The following CEP41 variants were observed in gnomAD, a reference collection of about 807,000 sequenced individuals.
CEP41 encodes centrosomal protein 41.
In CEP41, 32 loss-of-function variants were observed where a neutral mutation model predicts 44.3. The observed-to-expected ratio is 0.72, with a 90% CI of 0.54 to 0.97. CEP41 has a LOEUF of 0.97. CEP41 is among the 50% of genes least tolerant of loss of function. The pLI is 0.00. For missense variants in CEP41, 432 were observed against 455.2 expected (o/e 0.95, Z 0.46); for synonymous variants, 151 against 168.5 (o/e 0.90, Z 0.80).
At chr7:130,427,596 G>A (rs1208571615) in intron 2 of CEP41, among the ~76,000 whole-genome samples, 2 of 152,186 alleles carry the variant, frequency 1.3e-5, no homozygotes, top group African/African-American at 4.8e-5. Flanking sequence ...TGTCTAATCC[G>A]TTACTGCCAG....
At chr7:130,402,340 T>C (rs377539700) in intron 7 of CEP41, among the ~76,000 whole-genome samples, 7 of 75,188 alleles carry the variant, frequency 9.3e-5, no homozygotes, top group East Asian at 5.6e-4. Context: ...AGCAAGGTAT[T>C]AACAAAAAAA....
intron 1 of CEP41, among the ~76,000 whole-genome samples, chr7:130,429,146 T>C (rs1405675856): frequency 1.3e-5 from 2 of 152,078 alleles, no homozygotes; most frequent in Admixed American, 1.3e-4. Context: ...TTTATCCATC[T>C]CTCCCCTGCA....
In CEP41 at chr7:130,398,984, T is replaced by G. The variant is rs781782924; in HGVS notation, c.1029A>C (p.Arg343=). 1.2e-6 allele frequency: 2 copies of G among 1,614,094 alleles called. No homozygotes were observed. Among genetic ancestry groups the G allele is most frequent in the African/African-American group, 2.7e-5 (2 of 74,936 alleles). Residue 343 remains arginine, a synonymous_variant, in exon 11 of 11, where the codon CGA becomes CGC. Transcript: ENST00000223208. ...CGCCACCTGGCAGATTCTGAGCGCT[T>G]CGGGCACCAGGCACCTTGGACTCTC... The part of the protein sequence containing the change: ...SGRESKVPGA[R]SAQNLPGGGP...
chr7:130,436,755 T>C (rs1554426230), intron 1 of CEP41, among the ~76,000 whole-genome samples: 1 of 152,022 alleles, frequency 6.6e-6, no homozygotes, highest in Non-Finnish European at 1.5e-5. Context: ...AAACATGGGC[T>C]GGGCACAGTG....
chr7:130,417,648 A>G (rs1466553070), intron 2 of CEP41, among the ~76,000 whole-genome samples: 3 of 152,224 alleles, frequency 2.0e-5, no homozygotes, highest in African/African-American at 4.8e-5. Context: ...TTTCAGACTT[A>G]AAAAACTCAG....
At chr7:130,421,052 C>T in intron 2 of CEP41, 1 of 982,730 alleles carries the variant, frequency 1.0e-6, no homozygotes, top group Non-Finnish European at 1.2e-6. Flanking sequence ...TGTTTACTTA[C>T]AACTAAAGTT....
At position 130,398,184 on chromosome 7, in the gene CEP41, C is replaced by T. The variant is rs1554415664; in HGVS notation, c.*707G>A. ...GGCTTTCCCATGAGAGGCCCTCCTCCCCGGTGTGAAGACACCCACATGCAT... is the reference window on the plus strand; with the variant it reads ...GGCTTTCCCATGAGAGGCCCTCCTCTCCGGTGTGAAGACACCCACATGCAT... On this transcript the variant is annotated 3_prime_UTR_variant, in exon 11 of 11. Coordinates refer to ENST00000223208, the MANE Select transcript of CEP41 (RefSeq NM_018718.3). 4.4e-6 allele frequency: 2 copies of T among 453,606 alleles called. No homozygotes were observed. The highest frequency in any genetic ancestry group is 3.1e-5 in the South Asian group (2 of 64,382). 28.1% of individuals were successfully genotyped at this position (453,606 alleles called of 1,614,324 possible). A position where few individuals can be genotyped will look rare whatever the true frequency, so the allele number is the denominator to read the frequency against.
Position 130,400,343 on chromosome 7 carries a change from C to T in CEP41, c.758-89G>A, listed in dbSNP as rs1311895837. On this transcript the variant is annotated intron_variant, in intron 9 of 10. Coordinates refer to ENST00000223208, the MANE Select transcript of CEP41 (RefSeq NM_018718.3). ...AAGAAGCCTGCATGTCTTCTAATCT[C>T]TGGTCATCAAGTTGAGGCCAACACA... 5 of 913,204 alleles carry T rather than the reference C, an allele frequency of 5.5e-6. No individual in the cohort carries two copies. The African/African-American group carries it at 6.5e-5, about 12-fold the overall frequency. The allele number at this position is 913,204 out of a possible 1,614,324, so 56.6% of individuals were successfully genotyped here. A position where few individuals can be genotyped will look rare whatever the true frequency, so the allele number is the denominator to read the frequency against.
intron 6 of CEP41, 52 bp downstream of exon 6, chr7:130,404,512 T>C (rs1195122652): frequency 2.6e-6 from 4 of 1,510,918 alleles, no homozygotes; most frequent in Non-Finnish European, 3.7e-6. Flanking sequence ...AATTGGCGTC[T>C]AGATTAATAT....
chr7:130,436,031 G>A (rs1157273034), intron 1 of CEP41, among the ~76,000 whole-genome samples: 1 of 152,178 alleles, frequency 6.6e-6, no homozygotes, highest in Admixed American at 6.5e-5. Flanking sequence ...GTAGGAAGCT[G>A]TAATCCCAGC....
chr7:130,407,259 C>T (rs1054750193), intron 5 of CEP41, among the ~76,000 whole-genome samples: 1 of 91,788 alleles, frequency 1.1e-5, no homozygotes, highest in East Asian at 3.3e-4. Context: ...AGTAAACACA[C>T]ACACACACAC....
chr7:130,435,771 A>G (rs147768372), intron 1 of CEP41, among the ~76,000 whole-genome samples: 118 of 152,302 alleles, frequency 7.7e-4, no homozygotes, highest in African/African-American at 2.6e-3. Context: ...TAACATCCAC[A>G]CAAAGAGTTA....
chr7:130,414,298 C>T lies in CEP41; in HGVS notation c.146-2058G>A, dbSNP rs11764770. The stretch of plus-strand genomic sequence containing the variant: ...ATGCAGTGGAACTTCTAAAACCTGC[C>T]GGGATGCAGACCCAAATAGGCCGAG... On this transcript the variant is annotated intron_variant, in intron 3 of 10. Coordinates refer to ENST00000223208, the MANE Select transcript of CEP41 (RefSeq NM_018718.3). Among the ~76,000 whole-genome samples, 124 of 152,294 alleles carry T rather than the reference C, an allele frequency of 8.1e-4. 1 individual carries two copies. The highest frequency in any genetic ancestry group is 1.5e-3 in the Non-Finnish European group (101 of 68,022).
At chr7:130,439,656 C>T (rs577888897) in intron 1 of CEP41, among the ~76,000 whole-genome samples, 1 of 152,308 alleles carries the variant, frequency 6.6e-6, no homozygotes, top group South Asian at 2.1e-4. Context: ...GACCATGGCT[C>T]TCTTGCAGGG....
At position 130,440,544 on chromosome 7, in the gene CEP41, C is replaced by A. The variant is rs1473839951; in HGVS notation, c.33+390G>T. On this transcript the variant is annotated intron_variant, in intron 1 of 10. Transcript: ENST00000223208. ...GTTTGGTCAGCTTACTCCTGCTCTT[C>A]CTGTATCCCCACAATCAGAGATGCT... The A allele has an allele frequency of 2.6e-5, 11 of 419,800 alleles. No homozygotes were observed. The East Asian group carries it at 5.8e-4, about 22-fold the overall frequency. The allele number at this position is 419,800 out of a possible 1,614,324, so 26.0% of individuals were successfully genotyped here. A position where few individuals can be genotyped will look rare whatever the true frequency, so the allele number is the denominator to read the frequency against.
intron 1 of CEP41, among the ~76,000 whole-genome samples, chr7:130,440,344 G>A (rs901571378): frequency 2.0e-5 from 3 of 152,188 alleles, no homozygotes; most frequent in African/African-American, 7.2e-5. Context: ...TTAAAGGGCA[G>A]AGGCCTTGTC....
intron 10 of CEP41, 129 bp from the exon 11 acceptor site, chr7:130,399,168 T>C: frequency 8.3e-7 from 1 of 1,197,672 alleles, no homozygotes; most frequent in Non-Finnish European, 1.2e-6. Context: ...CTATGCAGTA[T>C]CTACTTTAGG....
intron 1 of CEP41, among the ~76,000 whole-genome samples, chr7:130,431,782 G>C (rs1554425136): frequency 6.6e-6 from 1 of 152,038 alleles, no homozygotes; most frequent in African/African-American, 2.4e-5. Flanking sequence ...GGAAATACGG[G>C]GACAAACGAT....
intron 3 of CEP41, among the ~76,000 whole-genome samples, chr7:130,413,441 C>G (rs144630364): frequency 3.0e-4 from 45 of 152,128 alleles, no homozygotes; most frequent in African/African-American, 1.0e-3. Context: ...ATTAGTTGGG[C>G]ATGGTGGTGC....
Sources: gnomAD v4.1 joint callset for allele counts (sites outside exome capture counted in the v4.1 genomes callset) on GRCh38, gnomAD v4.1.1 for gene constraint, MANE v1.5 for transcripts, NCBI Gene and HGNC (gene_info 2026-07-23, HGNC 2026-07-21) for gene names.